The following SPATA31E1 variants were observed in gnomAD, a reference collection of about 807,000 sequenced individuals.
SPATA31E1 encodes the protein spermatogenesis-associated protein 31E1.
A neutral mutation model predicts 12.9 loss-of-function variants in SPATA31E1; 7 were observed. The observed-to-expected ratio is 0.54, with a 90% CI of 0.31 to 1.02. The LOEUF is 1.02. Among genes scored for constraint, SPATA31E1 ranks in the 50% least tolerant of loss-of-function variants. The probability of loss-of-function intolerance (pLI) is 0.05; values close to 1 mark genes in which losing one functional copy is unlikely to be tolerated. For missense variants in SPATA31E1, 1,961 were observed against 1,799.8 expected (o/e 1.09, Z -1.62); for synonymous variants, 771 against 719.0 (o/e 1.07, Z -1.16).
rs779894298 is a variant in SPATA31E1, at chr9:87,882,980, C to A, written c.89C>A (p.Ser30Tyr). The change falls in exon 1 of 4, where the codon TCT becomes TAT. Residue 30 changes from serine (S) to tyrosine (Y), a missense_variant. Physicochemically the swap from Ser to Tyr is moderately radical, Grantham distance 144. Coordinates refer to ENST00000325643, the MANE Select transcript of SPATA31E1 (RefSeq NM_178828.5). ...QRIPPPAPRP[S>Y]VECTGDDIAL... ...ATTCCACCCCCAGCTCCCAGACCAT[C>A]TGTGGAGTGCACAGGAGACGACATT... The A allele has an allele frequency of 6.2e-7, 1 of 1,611,922 alleles. No homozygotes were observed. Among genetic ancestry groups the A allele is most frequent in the African/African-American group, 1.3e-5 (1 of 74,428 alleles).
chr9:87,888,773 C>A lies in SPATA31E1; in HGVS notation c.4286C>A (p.Pro1429His), dbSNP rs1828336450. The A allele has an allele frequency of 6.2e-7, 1 of 1,612,822 alleles. No homozygotes were observed. The highest frequency in any genetic ancestry group is 8.5e-7 in the Non-Finnish European group (1 of 1,179,874). Reference protein sequence around the residue: ...RPRMASTSGGPHPQLQELMSA... With the variant: ...RPRMASTSGGHHPQLQELMSA... ...AGAATGGCAAGCACCTCGGGCGGCC[C>A]CCATCCACAGCTGCAGGAACTGATG... The change falls in exon 4 of 4, where the codon CCC (proline) becomes CAC (histidine). Residue 1429 changes from proline (P) to histidine (H), a missense_variant. Transcript: ENST00000325643.
Position 87,887,118 on chromosome 9 carries a change from CT to C in SPATA31E1, c.2632del (p.Trp878GlyfsTer39), listed in dbSNP as rs765067989. ...PPFPQSTFTP[W>X]ASWVSRVESV... Reference sequence around the variant, plus strand: ...CCTTCCCACAATCCACCTTTACCCCCTGGGCCTCCTGGGTATCTCGGGTTGA... The same window carrying C: ...CCTTCCCACAATCCACCTTTACCCCCGGGCCTCCTGGGTATCTCGGGTTGA... On this transcript the variant is annotated frameshift_variant, in exon 4 of 4. Coordinates refer to ENST00000325643, the MANE Select transcript of SPATA31E1 (RefSeq NM_178828.5). LOFTEE classifies it low-confidence loss of function (END_TRUNC). 5.0e-6 allele frequency: 8 copies of C among 1,614,086 alleles called. No homozygotes were observed. The Admixed American group carries it at 5.0e-5, about 10-fold the overall frequency.
Position 87,888,194 on chromosome 9 carries a change from C to G in SPATA31E1, c.3707C>G (p.Ala1236Gly). The G allele has an allele frequency of 1.2e-6, 2 of 1,613,708 alleles. No individual in the cohort carries two copies. The change falls in exon 4 of 4, where the codon GCC (alanine) becomes GGC (glycine). Residue 1236 changes from alanine to glycine, a missense_variant. Ala to Gly is a moderately conservative substitution (Grantham distance 60). Transcript: ENST00000325643. ...AGTGGGAGGAGCCACCCTGCCCAAG[C>G]CAGGGAAATAGGAGACAAACAAGAA... Reference protein sequence around the residue: ...EASGRSHPAQAREIGDKQERK... With the variant: ...EASGRSHPAQGREIGDKQERK...
intron 1 of SPATA31E1, 129 bp from the exon 2 acceptor site, chr9:87,883,863 A>C (rs1828212868): frequency 1.0e-6 from 1 of 981,312 alleles, no homozygotes; most frequent in Non-Finnish European, 1.5e-6. Flanking sequence ...ATGAGTAAAA[A>C]GCACACACAG....
At chr9:87,884,463 C>A in intron 2 of SPATA31E1, 128 bp from the exon 3 acceptor site, 1 of 961,086 alleles carries the variant, frequency 1.0e-6, no homozygotes, top group Non-Finnish European at 1.6e-6. Context: ...GCCATGTGGC[C>A]TCGGACACAG....
In SPATA31E1 at chr9:87,883,217, C is replaced by T. The variant is rs1828201025; in HGVS notation, c.309+17C>T. On this transcript the variant is annotated intron_variant, in intron 1 of 3. Coordinates refer to ENST00000325643, the MANE Select transcript of SPATA31E1 (RefSeq NM_178828.5). ...AGCAGGGAGGTAAGGAGTCCTCAGC[C>T]CAGCCCCACAGAGAAAGATTCTCTC... is the stretch of plus-strand genomic sequence containing the variant. 2 of 1,557,530 alleles carry T rather than the reference C, an allele frequency of 1.3e-6. No homozygotes were observed.
intron 2 of SPATA31E1, among the ~76,000 whole-genome samples, chr9:87,884,301 C>T (rs1188121032): frequency 6.6e-6 from 1 of 152,234 alleles, no homozygotes; most frequent in Non-Finnish European, 1.5e-5. Flanking sequence ...ATGTGGACAG[C>T]TGTTCACCTC....
At position 87,886,752 on chromosome 9, in the gene SPATA31E1, C is replaced by G; in HGVS notation, c.2265C>G (p.Asp755Glu). 6.2e-7 allele frequency: 1 copy of G among 1,614,002 alleles called. No individual in the cohort carries two copies. Among genetic ancestry groups the G allele is most frequent in the Non-Finnish European group, 8.5e-7 (1 of 1,180,024 alleles). ...AATCAGTAAGTTCCACACCCAGGGA[C>G]CCAGACAAGGAGCATCTGGAAAACA... ...KYQSVSSTPR[D>E]PDKEHLENKL... Residue 755 changes from aspartate (D) to glutamate (E), a missense_variant, in exon 4 of 4, where the codon GAC (aspartate) becomes GAG (glutamate). By Grantham distance (45) the Asp-to-Glu change is conservative. Coordinates refer to ENST00000325643, the MANE Select transcript of SPATA31E1 (RefSeq NM_178828.5).
At position 87,883,194 on chromosome 9, in the gene SPATA31E1, C is replaced by G; in HGVS notation, c.303C>G (p.Ser101Arg). 1 of 1,576,930 alleles carries G rather than the reference C, an allele frequency of 6.3e-7. No homozygotes were observed. Among genetic ancestry groups the G allele is most frequent in the Non-Finnish European group, 8.6e-7 (1 of 1,157,598 alleles). The change falls in exon 1 of 4, where the codon AGC becomes AGG. Residue 101 changes from serine (S) to arginine (R), a missense_variant. Ser to Arg is a moderately radical substitution (Grantham distance 110). Transcript: ENST00000325643. ...CCCCGCCCGGGAGGAAGAGGAGCAG[C>G]AGGGAGGTAAGGAGTCCTCAGCCCA... ...PSPPPGRKRS[S>R]REPQRERSGR...
rs2117864054 is a variant in SPATA31E1 at position 87,882,920 on chromosome 9, A to C, written c.29A>C (p.Lys10Thr). The C allele has an allele frequency of 1.2e-6, 2 of 1,612,800 alleles. No individual in the cohort carries two copies. Among genetic ancestry groups the C allele is most frequent in the East Asian group, 2.2e-5 (1 of 44,864 alleles). ...GGAAATCTCGTCATCCCTCTAGGGA[A>C]GGGCAGGGCAGGCAGGGTTGAGAGT... is the stretch of plus-strand genomic sequence containing the variant. MGNLVIPLG[K>T]GRAGRVESGQ... The change falls in exon 1 of 4, where the codon AAG becomes ACG. Residue 10 changes from lysine to threonine, a missense_variant. Transcript: ENST00000325643.
Position 87,885,483 on chromosome 9 carries a change from C to T in SPATA31E1, c.996C>T (p.Pro332=), listed in dbSNP as rs374859878. 9.4e-5 allele frequency: 151 copies of T among 1,613,920 alleles called. 1 individual carries two copies. The highest frequency in any genetic ancestry group is 1.1e-4 in the Non-Finnish European group (133 of 1,179,946). Residue 332 remains proline, a synonymous_variant, in exon 4 of 4, where the codon CCC becomes CCT. Coordinates refer to ENST00000325643, the MANE Select transcript of SPATA31E1 (RefSeq NM_178828.5). The part of the protein sequence containing the change: ...SHGKSQPRHL[P]DHTSEASFWG... ...GCAAATCCCAGCCACGGCATCTTCC[C>T]GACCACACCTCAGAGGCTTCCTTCT...
rs142555285 is a variant in SPATA31E1, at chr9:87,886,840, G to T, written c.2353G>T (p.Val785Leu). The change falls in exon 4 of 4, where the codon GTG becomes TTG. Residue 785 changes from valine (V) to leucine (L), a missense_variant. By Grantham distance (32) the Val-to-Leu change is conservative. Coordinates refer to ENST00000325643, the MANE Select transcript of SPATA31E1 (RefSeq NM_178828.5). ...CAAAGAGGGCTGGATCCCCATGCCT[G>T]TGCGTCGCTCCTGGCTCATGGCCAA... is the stretch of plus-strand genomic sequence containing the variant. ...EIKEGWIPMP[V>L]RRSWLMAKCA... 3.1e-6 allele frequency: 5 copies of T among 1,614,168 alleles called. No individual in the cohort carries two copies. Among genetic ancestry groups the T allele is most frequent in the African/African-American group, 1.3e-5 (1 of 75,046 alleles).
Position 87,882,967 on chromosome 9 carries a change from G to A in SPATA31E1, c.76G>A (p.Ala26Thr), listed in dbSNP as rs757150186. ...VESGQRIPPP[A>T]PRPSVECTGD... ...GAGTGGGCAGAGGATTCCACCCCCAGCTCCCAGACCATCTGTGGAGTGCAC... is the reference window on the plus strand; with the variant it reads ...GAGTGGGCAGAGGATTCCACCCCCAACTCCCAGACCATCTGTGGAGTGCAC... The change falls in exon 1 of 4, where the codon GCT becomes ACT. Residue 26 changes from alanine (A) to threonine (T), a missense_variant. Physicochemically the swap from Ala to Thr is moderately conservative, Grantham distance 58. Transcript: ENST00000325643. The A allele has an allele frequency of 2.5e-6, 4 of 1,612,964 alleles. No individual in the cohort carries two copies. Among genetic ancestry groups the A allele is most frequent in the Admixed American group, 1.7e-5 (1 of 59,918 alleles).
intron 1 of SPATA31E1, 87 bp downstream of exon 1, chr9:87,883,287 C>T (rs1003204082): frequency 1.1e-5 from 17 of 1,494,598 alleles, no homozygotes; most frequent in Non-Finnish European, 1.4e-5. Flanking sequence ...CAATGTGAGA[C>T]CCTTCTGTGA....
In SPATA31E1 at chr9:87,885,428, C is replaced by G; in HGVS notation, c.941C>G (p.Thr314Ser). 6.2e-7 allele frequency: 1 copy of G among 1,614,012 alleles called. No individual in the cohort carries two copies. The highest frequency in any genetic ancestry group is 8.5e-7 in the Non-Finnish European group (1 of 1,179,968). Residue 314 changes from threonine to serine, a missense_variant, in exon 4 of 4, where the codon ACC (threonine) becomes AGC (serine). By Grantham distance (58) the Thr-to-Ser change is moderately conservative. Transcript: ENST00000325643. ...WDLYCWREAATTWGLSTYSHG... is the reference protein window; with the variant it reads ...WDLYCWREAASTWGLSTYSHG... ...CTCTATTGCTGGAGGGAGGCTGCCA[C>G]CACCTGGGGCCTCTCCACCTACTCA...
chr9:87,888,368 C>G lies in SPATA31E1; in HGVS notation c.3881C>G (p.Ala1294Gly). 3 of 1,614,178 alleles carry G rather than the reference C, an allele frequency of 1.9e-6. No homozygotes were observed. The highest frequency in any genetic ancestry group is 2.5e-6 in the Non-Finnish European group (3 of 1,180,032). Reference sequence around the variant, plus strand: ...GTCCTGCAGAAAGGCAAGCCTGGGGCAGATGCTTTCCAGAGCTGGGGGTCT... The same window carrying G: ...GTCCTGCAGAAAGGCAAGCCTGGGGGAGATGCTTTCCAGAGCTGGGGGTCT... ...EDVLQKGKPG[A>G]DAFQSWGSGP... Residue 1294 changes from alanine (A) to glycine (G), a missense_variant, in exon 4 of 4, where the codon GCA (alanine) becomes GGA (glycine). Ala to Gly is a moderately conservative substitution (Grantham distance 60, BLOSUM62 0). Coordinates refer to ENST00000325643, the MANE Select transcript of SPATA31E1 (RefSeq NM_178828.5).
rs1564129023 is a variant in SPATA31E1 at position 87,886,672 on chromosome 9, G to A, written c.2185G>A (p.Ala729Thr). The A allele has an allele frequency of 3.1e-6, 5 of 1,613,984 alleles. No homozygotes were observed. In the South Asian group the frequency reaches 3.3e-5, roughly 11 times the overall value. ...DQGSGRTSVKALDEDKEAEGD... is the reference protein window; with the variant it reads ...DQGSGRTSVKTLDEDKEAEGD... ...AGGCTCAGGAAGGACCTCAGTGAAG[G>A]CTCTGGACGAAGACAAGGAGGCAGA... The change falls in exon 4 of 4, where the codon GCT becomes ACT. Residue 729 changes from alanine to threonine, a missense_variant. Ala to Thr is a moderately conservative substitution (Grantham distance 58, BLOSUM62 0). Coordinates refer to ENST00000325643, the MANE Select transcript of SPATA31E1 (RefSeq NM_178828.5).
chr9:87,885,789 G>T lies in SPATA31E1; in HGVS notation c.1302G>T (p.Gln434His). ...CAACCGTGGGGAACCACTTACAGCA[G>T]AAACGCAGCCAGCTTTTCTGGGACC... ...DATTVGNHLQ[Q>H]KRSQLFWDLP... Residue 434 changes from glutamine to histidine, a missense_variant, in exon 4 of 4, where the codon CAG (glutamine) becomes CAT (histidine). Gln to His is a conservative substitution (Grantham distance 24). Coordinates refer to ENST00000325643, the MANE Select transcript of SPATA31E1 (RefSeq NM_178828.5). The T allele has an allele frequency of 6.2e-7, 1 of 1,613,980 alleles. No homozygotes were observed. Among genetic ancestry groups the T allele is most frequent in the South Asian group, 1.1e-5 (1 of 91,080 alleles).
chr9:87,885,641 G>A lies in SPATA31E1; in HGVS notation c.1154G>A (p.Arg385Gln), dbSNP rs201505051. 103 of 1,613,772 alleles carry A rather than the reference G, an allele frequency of 6.4e-5. 2 individuals are homozygous for A. In the East Asian group the frequency reaches 6.7e-4, roughly 10 times the overall value. The stretch of plus-strand genomic sequence containing the variant: ...ATGTGGCAGGAGAAAGAAAGAAAAC[G>A]GGCCGACCACCCGCACATGACATCA... ...MKMWQEKERK[R>Q]ADHPHMTSLG... is the part of the protein sequence containing the mutation. Residue 385 changes from arginine (R) to glutamine (Q), a missense_variant, in exon 4 of 4, where the codon CGG becomes CAG. Transcript: ENST00000325643.
Sources: allele counts gnomAD v4.1 joint callset (sites outside exome capture counted in the v4.1 genomes callset), GRCh38; gene constraint gnomAD v4.1.1; transcripts MANE v1.5; gene names NCBI Gene and HGNC (gene_info 2026-07-23, HGNC 2026-07-21).